Variants in DIP2C observed in about 807,000 individuals in gnomAD.
The protein encoded by DIP2C is DIP2 acetate--CoA ligase C (putative).
Under a neutral mutation model 192.4 loss-of-function variants are expected in DIP2C, and 33 were observed. That is an observed-to-expected ratio of 0.17 (90% CI 0.13 to 0.23). The LOEUF (loss-of-function observed/expected upper bound fraction) is 0.23. Ranked by LOEUF, DIP2C falls within the 10% of genes least tolerant of loss-of-function variation. DIP2C has a pLI of 1.00. For missense variants in DIP2C, 1,537 were observed against 2,110.1 expected (o/e 0.73, Z 5.32); for synonymous variants, 979 against 864.1 (o/e 1.13, Z -2.33).
chr10:535,585 G>A (rs58828402), intron 1 of DIP2C, among the ~76,000 whole-genome samples: 24,273 of 151,970 alleles, frequency 0.16, 3,080 homozygotes, highest in African/African-American at 0.35. Flanking sequence ...GTGACACAGC[G>A]AAACACACGA....
intron 17 of DIP2C, among the ~76,000 whole-genome samples, chr10:377,398 C>A (rs1489315217): frequency 2.0e-5 from 3 of 152,178 alleles, no homozygotes; most frequent in Admixed American, 2.0e-4. Flanking sequence ...ACAGAACACA[C>A]TGTAAAACGC....
chr10:548,233 G>A (rs1256634126), intron 1 of DIP2C, among the ~76,000 whole-genome samples: 1 of 102,034 alleles, frequency 9.8e-6, no homozygotes, highest in Non-Finnish European at 1.8e-5. Context: ...GGAAAGCCCT[G>A]GTGGTCAGGG....
chr10:574,895 T>C (rs1850056707), intron 1 of DIP2C, among the ~76,000 whole-genome samples: 1 of 152,194 alleles, frequency 6.6e-6, no homozygotes, highest in South Asian at 2.1e-4. Flanking sequence ...GGGTTTAATG[T>C]GATTCGGTTT....
At chr10:623,292 G>A (rs1021940428) in intron 1 of DIP2C, among the ~76,000 whole-genome samples, 15 of 150,842 alleles carry the variant, frequency 9.9e-5, no homozygotes, top group African/African-American at 2.9e-4. Context: ...CACTTGACAG[G>A]AGGGGGCACA....
intron 1 of DIP2C, among the ~76,000 whole-genome samples, chr10:493,568 C>T (rs1588291125): frequency 6.6e-6 from 1 of 152,282 alleles, no homozygotes; most frequent in East Asian, 1.9e-4. Flanking sequence ...CTGCTGTGGG[C>T]TCTTCTCAGA....
At chr10:589,064 C>A (rs929715740) in intron 1 of DIP2C, among the ~76,000 whole-genome samples, 1 of 152,132 alleles carries the variant, frequency 6.6e-6, no homozygotes, top group Non-Finnish European at 1.5e-5. Flanking sequence ...AGCTGCAATG[C>A]ACATCTCGCT....
At chr10:442,800 A>G (rs1324776819) in intron 3 of DIP2C, among the ~76,000 whole-genome samples, 1 of 152,226 alleles carries the variant, frequency 6.6e-6, no homozygotes, top group Non-Finnish European at 1.5e-5. Context: ...TGTCATATAC[A>G]AAGTTCACAT....
intron 31 of DIP2C, among the ~76,000 whole-genome samples, chr10:320,215 C>G (rs76406936): frequency 0.027 from 4,168 of 152,272 alleles, 175 homozygotes; most frequent in African/African-American, 0.088. Flanking sequence ...TTTAATTTCT[C>G]TAATGTGAAT....
At chr10:543,988 C>T (rs1172594238) in intron 1 of DIP2C, among the ~76,000 whole-genome samples, 2 of 152,254 alleles carry the variant, frequency 1.3e-5, no homozygotes, top group African/African-American at 2.4e-5. Context: ...GGACGCCTGT[C>T]GTGAGTGGGC....
At position 357,956 on chromosome 10, in the gene DIP2C, A is replaced by G. The variant is rs775151199; in HGVS notation, c.2795-19T>C. 1.7e-5 allele frequency: 27 copies of G among 1,583,702 alleles called. No homozygotes were observed. Among genetic ancestry groups the G allele is most frequent in the Middle Eastern group, 1.7e-4 (1 of 5,990 alleles). The stretch of plus-strand genomic sequence containing the variant: ...CCGATTTCTAGAAAGAAACAGAGAC[A>G]TGGCCATGAGGAAACAAAAGAGAAA... On this transcript the variant is annotated intron_variant, in intron 22 of 36. Transcript: ENST00000280886.
At chr10:531,080 T>C (rs905123634) in intron 1 of DIP2C, among the ~76,000 whole-genome samples, 2 of 152,182 alleles carry the variant, frequency 1.3e-5, no homozygotes, top group African/African-American at 4.8e-5. Flanking sequence ...AGGCTGCACA[T>C]AAACGTCTGC....
At chr10:330,100 A>G (rs1365375820) in intron 29 of DIP2C, among the ~76,000 whole-genome samples, 1 of 152,242 alleles carries the variant, frequency 6.6e-6, no homozygotes, top group East Asian at 1.9e-4. Flanking sequence ...CAGAGACCAC[A>G]GAACCTAAAA....
chr10:289,465 A>C (rs557168511), intron 32 of DIP2C, among the ~76,000 whole-genome samples: 1 of 152,232 alleles, frequency 6.6e-6, no homozygotes, highest in South Asian at 2.1e-4. Context: ...AGGAGATCTC[A>C]CTATGTTGCT....
chr10:576,640 G>A (rs1049434215), intron 1 of DIP2C, among the ~76,000 whole-genome samples: 10 of 152,224 alleles, frequency 6.6e-5, no homozygotes, highest in Admixed American at 5.2e-4. Flanking sequence ...CAGGGATGGT[G>A]GCTCAGACCT....
rs1421653739 is a variant in DIP2C at position 533,318 on chromosome 10, C to T, written c.86-46788G>A. 2.0e-5 allele frequency among the ~76,000 whole-genome samples: 3 copies of T among 152,130 alleles called. No homozygotes were observed. The East Asian group carries it at 5.8e-4, about 29-fold the overall frequency. On this transcript the variant is annotated intron_variant, in intron 1 of 36. Coordinates refer to ENST00000280886, the MANE Select transcript of DIP2C (RefSeq NM_014974.3). The stretch of plus-strand genomic sequence containing the variant: ...ATCTGCTTTCCAGAACATCTAGCTG[C>T]CGGATTAACTTCACAGCCACCAGAT...
intron 31 of DIP2C, among the ~76,000 whole-genome samples, chr10:316,742 G>C (rs766471875): frequency 2.0e-5 from 3 of 152,204 alleles, no homozygotes; most frequent in African/African-American, 4.8e-5. Context: ...GAGTGCCTCA[G>C]AGAAAATGCA....
At chr10:338,373 C>G (rs1283355811) in intron 29 of DIP2C, among the ~76,000 whole-genome samples, 4 of 151,972 alleles carry the variant, frequency 2.6e-5, no homozygotes, top group Non-Finnish European at 4.4e-5. Flanking sequence ...GCCAACTCAC[C>G]TGGGCAACCT....
chr10:531,959 G>A (rs1847398459), intron 1 of DIP2C, among the ~76,000 whole-genome samples: 1 of 152,186 alleles, frequency 6.6e-6, no homozygotes, highest in Non-Finnish European at 1.5e-5. Flanking sequence ...TTGTTTTATA[G>A]ATAAACAGAG....
intron 4 of DIP2C, among the ~76,000 whole-genome samples, chr10:438,325 T>C (rs112209077): frequency 0.016 from 2,476 of 152,338 alleles, 73 homozygotes; most frequent in African/African-American, 0.056. Flanking sequence ...AAGAAAAATG[T>C]GTGTTGCCTT....
Sources: allele counts gnomAD v4.1 joint callset (sites outside exome capture counted in the v4.1 genomes callset), GRCh38; gene constraint gnomAD v4.1.1; transcripts MANE v1.5; gene names NCBI Gene and HGNC (gene_info 2026-07-23, HGNC 2026-07-21).